The following ZNF16 variants were observed in gnomAD, a reference collection of about 807,000 sequenced individuals.
ZNF16 encodes the protein zinc finger protein 16.
A neutral mutation model predicts 9.0 loss-of-function variants in ZNF16; 7 were observed. The ratio of observed to expected loss-of-function variants is 0.78; its 90% confidence interval spans 0.44 to 1.47. The LOEUF is 1.47. Ranked by LOEUF, ZNF16 falls within the 40% of genes most tolerant of loss-of-function variation. ZNF16 has a pLI of 0.01. For synonymous variants in ZNF16, 312 were observed against 301.5 expected (o/e 1.03, Z -0.36); for missense variants, 830 against 854.2 (o/e 0.97, Z 0.35).
At chr8:144,942,619 T>C (rs770992885) in intron 2 of ZNF16, among the ~76,000 whole-genome samples, 2 of 152,176 alleles carry the variant, frequency 1.3e-5, no homozygotes, top group Non-Finnish European at 2.9e-5. Context: ...CTGATTACCA[T>C]GATGATTGCA....
chr8:144,950,108 G>C (rs931415021), intron 1 of ZNF16, among the ~76,000 whole-genome samples: 35 of 151,992 alleles, frequency 2.3e-4, no homozygotes, highest in African/African-American at 6.5e-4. Context: ...TTTGGGTGGA[G>C]AGAAACAAAT....
At chr8:144,948,632 CCA>C (rs1274270117) in intron 1 of ZNF16, 3 of 152,202 alleles carry the variant, frequency 2.0e-5, no homozygotes, top group East Asian at 3.8e-4. Flanking sequence ...CCCCAAACAT[CCA>C]CACAGTTTCC....
chr8:144,946,543 TACTGCTGTGGGGCCTGTAC>T (rs1181360969), intron 1 of ZNF16, among the ~76,000 whole-genome samples: 36 of 124,920 alleles, frequency 2.9e-4, no homozygotes, highest in African/African-American at 1.0e-3. Flanking sequence ...GGGGCCTGTG[TACTGCTGTGGGGCCTGTAC>T]CCTGCTGTGG....
intron 1 of ZNF16, among the ~76,000 whole-genome samples, chr8:144,950,171 C>CAT (rs1834070052): frequency 6.6e-6 from 1 of 151,774 alleles, no homozygotes; most frequent in Non-Finnish European, 1.5e-5. Context: ...TTAATTATGG[C>CAT]ACAGATTCTT....
In ZNF16 at chr8:144,931,106, T is replaced by A; in HGVS notation, c.1681A>T (p.Ile561Phe). The change falls in exon 3 of 3, where the codon ATT (isoleucine) becomes TTT (phenylalanine). Residue 561 changes from isoleucine (I) to phenylalanine (F), a missense_variant. Transcript: ENST00000394909. ...GKTFSQSSTL[I>F]QHQRIHNGLK... ...CCATTATGAATCCTCTGATGCTGAA[T>A]GAGGGTTGAGCTCTGGCTGAAGGTT... 6.2e-7 allele frequency: 1 copy of A among 1,614,254 alleles called. No homozygotes were observed. Among genetic ancestry groups the A allele is most frequent in the Non-Finnish European group, 8.5e-7 (1 of 1,180,042 alleles).
intron 2 of ZNF16, among the ~76,000 whole-genome samples, chr8:144,940,919 T>C (rs1304883048): frequency 6.6e-6 from 1 of 152,144 alleles, no homozygotes; most frequent in Admixed American, 6.6e-5. Flanking sequence ...AGGCCTCTTA[T>C]AAGGAGATAA....
chr8:144,932,487 A>G lies in ZNF16; in HGVS notation c.300T>C (p.Val100=). 1 of 1,614,224 alleles carries G rather than the reference A, an allele frequency of 6.2e-7. No homozygotes were observed. The highest frequency in any genetic ancestry group is 8.5e-7 in the Non-Finnish European group (1 of 1,180,040). ...AEISENYAGD[V]SQVPELGDLC... ...GATCTCCAAGCTCGGGTACCTGGGAAACATCACCAGCATAGTTTTCTGATA... is the reference window on the plus strand; with the variant it reads ...GATCTCCAAGCTCGGGTACCTGGGAGACATCACCAGCATAGTTTTCTGATA... The change falls in exon 3 of 3, where the codon GTT becomes GTC. Residue 100 remains valine, a synonymous_variant. Transcript: ENST00000394909. The surrounding 1 kb of genome is among the most constrained non-coding windows in gnomAD (Gnocchi z 5.0).
chr8:144,938,772 T>A (rs1012343874), intron 2 of ZNF16, among the ~76,000 whole-genome samples: 2 of 152,240 alleles, frequency 1.3e-5, no homozygotes, highest in African/African-American at 4.8e-5. Flanking sequence ...GGTTAGAACT[T>A]GCAATACAAG....
intron 1 of ZNF16, among the ~76,000 whole-genome samples, chr8:144,946,698 T>TG (rs1348222218): frequency 2.7e-5 from 3 of 112,388 alleles, no homozygotes; most frequent in South Asian, 6.0e-4. Flanking sequence ...TACCCTGCTG[T>TG]GGGCCCGTGT....
In ZNF16 at chr8:144,943,527, C is replaced by CT. The variant is rs1253537154; in HGVS notation, c.196+2483dup. On this transcript the variant is annotated intron_variant, in intron 2 of 2. Transcript: ENST00000394909. ...TCCATTAAGTTCACTTTTCTTTTTT[C>CT]TTTTTTTTTTGAGACAGAGTCTCAC... 2.0e-3 allele frequency among the ~76,000 whole-genome samples: 295 copies of CT among 148,500 alleles called. 2 individuals carry two copies. Among genetic ancestry groups the CT allele is most frequent in the South Asian group, 3.2e-3 (15 of 4,720 alleles).
At position 144,931,885 on chromosome 8, in the gene ZNF16, G is replaced by T. The variant is rs759469956; in HGVS notation, c.902C>A (p.Ala301Asp). ...TTTAAGGCTCGAGTTCTGGCTGAAG[G>T]CTTTTCCACATTCATTACACATATA... ...RPYMCNECGK[A>D]FSQNSSLKKH... Residue 301 changes from alanine (A) to aspartate (D), a missense_variant, in exon 3 of 3, where the codon GCC (alanine) becomes GAC (aspartate). Coordinates refer to ENST00000394909, the MANE Select transcript of ZNF16 (RefSeq NM_006958.3). 6 of 1,614,100 alleles carry T rather than the reference G, an allele frequency of 3.7e-6. No individual in the cohort carries two copies. The highest frequency in any genetic ancestry group is 5.1e-6 in the Non-Finnish European group (6 of 1,180,048).
rs781458583 is a variant in ZNF16, at chr8:144,931,633, G to T, written c.1154C>A (p.Ala385Asp). Reference protein sequence around the residue: ...KPFECGECGKAFSQSAHLRKH... With the variant: ...KPFECGECGKDFSQSAHLRKH... The stretch of plus-strand genomic sequence containing the variant: ...CCTCAGGTGTGCACTCTGGCTGAAG[G>T]CTTTCCCACACTCGCCACACTCAAA... Residue 385 changes from alanine (A) to aspartate (D), a missense_variant, in exon 3 of 3, where the codon GCC becomes GAC. Ala to Asp is a moderately radical substitution (Grantham distance 126). Transcript: ENST00000394909. 6 of 1,614,116 alleles carry T rather than the reference G, an allele frequency of 3.7e-6. No homozygotes were observed. The highest frequency in any genetic ancestry group is 5.1e-6 in the Non-Finnish European group (6 of 1,180,024).
rs150037802 is a variant in ZNF16 at position 144,938,253 on chromosome 8, T to C, written c.197-5663A>G. On this transcript the variant is annotated intron_variant, in intron 2 of 2. Coordinates refer to ENST00000394909, the MANE Select transcript of ZNF16 (RefSeq NM_006958.3). Reference sequence around the variant, plus strand: ...GATTGTTTTGGCTACCCAGGGCTCTTTGTAACTTCATATGAATTTGAGGAT... The same window carrying C: ...GATTGTTTTGGCTACCCAGGGCTCTCTGTAACTTCATATGAATTTGAGGAT... 3.9e-4 allele frequency among the ~76,000 whole-genome samples: 59 copies of C among 152,350 alleles called. No homozygotes were observed. In the East Asian group the frequency reaches 0.011, roughly 29 times the overall value.
rs111558060 is a variant in ZNF16, at chr8:144,930,610, G to A, written c.*128C>T. The A allele has an allele frequency of 0.031, 31,976 of 1,021,194 alleles. 603 individuals are homozygous for A. Among genetic ancestry groups the A allele is most frequent in the Middle Eastern group, 0.039 (119 of 3,016 alleles). 63.3% of individuals were successfully genotyped at this position (1,021,194 alleles called of 1,614,324 possible). A position where few individuals can be genotyped will look rare whatever the true frequency, so the allele number is the denominator to read the frequency against. ...TTCAAAGGAGGGTCCCAGGCTATGT[G>A]GCCACTGGATGTAGGCAGTGAGCTG... On this transcript the variant is annotated 3_prime_UTR_variant, in exon 3 of 3. Transcript: ENST00000394909.
At chr8:144,950,615 G>A (rs1428475195) in intron 1 of ZNF16, 182 bp downstream of exon 1, 1 of 150,562 alleles carries the variant, frequency 6.6e-6, no homozygotes, top group South Asian at 2.1e-4. Flanking sequence ...CCCAGGCCGA[G>A]CTGCCCCCGC....
Position 144,930,655 on chromosome 8 carries a change from G to C in ZNF16, c.*83C>G, listed in dbSNP as rs1007386439. 6.9e-7 allele frequency: 1 copy of C among 1,457,960 alleles called. No homozygotes were observed. The highest frequency in any genetic ancestry group is 1.4e-5 in the African/African-American group (1 of 70,552). The allele number at this position is 1,457,960 out of a possible 1,614,324, so 90.3% of individuals were successfully genotyped here. On this transcript the variant is annotated 3_prime_UTR_variant, in exon 3 of 3. Transcript: ENST00000394909. Reference sequence around the variant, plus strand: ...GAGCTGAGTCCAGGCTTTCGGTCTGGGAAGTGGCAGAGGCTGAGACAATGG... The same window carrying C: ...GAGCTGAGTCCAGGCTTTCGGTCTGCGAAGTGGCAGAGGCTGAGACAATGG...
At chr8:144,947,403 C>T (rs1234958333) in intron 1 of ZNF16, among the ~76,000 whole-genome samples, 2 of 150,854 alleles carry the variant, frequency 1.3e-5, no homozygotes, top group Non-Finnish European at 2.9e-5. Flanking sequence ...GGGCCTGTAT[C>T]CTGCTGTGAC....
In ZNF16 at chr8:144,932,314, A is replaced by C. The variant is rs142551087; in HGVS notation, c.473T>G (p.Phe158Cys). ...LGEKDLDCNG[F>C]DSRFSLSPNL... is the part of the protein sequence containing the mutation. ...TGGGCTCAGACTGAAGCGACTGTCA[A>C]AACCATTACAGTCCAGATCTTTCTC... The change falls in exon 3 of 3, where the codon TTT becomes TGT. Residue 158 changes from phenylalanine (F) to cysteine (C), a missense_variant. By Grantham distance (205) the Phe-to-Cys change is radical. Coordinates refer to ENST00000394909, the MANE Select transcript of ZNF16 (RefSeq NM_006958.3). The surrounding 1 kb of genome is among the most constrained non-coding windows in gnomAD (Gnocchi z 5.0). 454 of 1,614,146 alleles carry C rather than the reference A, an allele frequency of 2.8e-4. 1 individual carries two copies. The African/African-American group carries it at 5.4e-3, about 19-fold the overall frequency.
At chr8:144,941,930 T>C (rs1188680544) in intron 2 of ZNF16, among the ~76,000 whole-genome samples, 1 of 151,230 alleles carries the variant, frequency 6.6e-6, no homozygotes, top group Non-Finnish European at 1.5e-5. Flanking sequence ...GTGCTGGGAT[T>C]ACAGGCGTGA....
Sources: allele counts gnomAD v4.1 joint callset (sites outside exome capture counted in the v4.1 genomes callset), GRCh38; gene constraint gnomAD v4.1.1; non-coding constraint Gnocchi (gnomAD v3.1); transcripts MANE v1.5; gene names NCBI Gene and HGNC (gene_info 2026-07-23, HGNC 2026-07-21).